The following FAHD1 variants were observed in gnomAD, a reference collection of about 807,000 sequenced individuals.
FAHD1 encodes the protein FAH domain containing oxaloacetate decarboxylase 1, also known as oxaloacetate tautomerase FAHD1, mitochondrial.
Under a neutral mutation model 12.7 loss-of-function variants are expected in FAHD1, and 14 were observed. That is an observed-to-expected ratio of 1.10 (90% CI 0.73 to 1.72). The LOEUF (loss-of-function observed/expected upper bound fraction) is 1.72, where lower values mean the gene tolerates loss of function less well. Ranked by LOEUF, FAHD1 falls within the 40% of genes most tolerant of loss-of-function variation. FAHD1 has a pLI of 0.00. For missense variants in FAHD1, 351 were observed against 298.9 expected (o/e 1.17, Z -1.29); for synonymous variants, 153 against 124.9 (o/e 1.22, Z -1.50).
chr16:1,834,648 C>T (rs193273806), intron 1 of FAHD1, among the ~76,000 whole-genome samples: 11 of 152,138 alleles, frequency 7.2e-5, no homozygotes, highest in African/African-American at 2.4e-4. Flanking sequence ...CTAATGTGGC[C>T]GGGTGCTGGT....
At chr16:1,828,679 T>C (rs1274003583) in exon 1 of FAHD1, 1 of 933,190 alleles carries the variant, frequency 1.1e-6, no homozygotes, top group Non-Finnish European at 1.3e-6. Flanking sequence ...ATCAATTTGA[T>C]AGGATTAATC....
At chr16:1,827,218 C>G (rs765572027) in exon 1 of FAHD1, 6 of 1,593,178 alleles carry the variant, frequency 3.8e-6, no homozygotes, top group Admixed American at 1.7e-5. Context: ...CACGTGACTA[C>G]AGGGGCACTT....
chr16:1,829,105 C>G (rs961530651), downstream of FAHD1, among the ~76,000 whole-genome samples: 1 of 152,166 alleles, frequency 6.6e-6, no homozygotes, highest in African/African-American at 2.4e-5. Context: ...GGGACTGCTG[C>G]TTTTGCTCTT....
chr16:1,839,313 C>T lies in FAHD1; in HGVS notation c.*60C>T, dbSNP rs779119124. The stretch of plus-strand genomic sequence containing the variant: ...TGTGAGACTACAGGAATGAAGGGTG[C>T]CTGTGTGATCAGTCAGATCAATCAG... On this transcript the variant is annotated 3_prime_UTR_variant, in exon 3 of 3. Coordinates refer to the FAHD1 transcript ENST00000382666. The T allele has an allele frequency of 3.7e-6, 6 of 1,613,992 alleles. No homozygotes were observed. In the African/African-American group the frequency reaches 6.7e-5, roughly 18 times the overall value.
downstream of FAHD1, chr16:1,828,961 T>TA: frequency 1.0e-6 from 1 of 986,620 alleles, no homozygotes; most frequent in Non-Finnish European, 1.2e-6. Context: ...AGGAGGGATA[T>TA]TTCCTCCTTG....
chr16:1,827,731 T>C (rs1304117582), exon 1 of FAHD1: 6 of 1,614,144 alleles, frequency 3.7e-6, no homozygotes, highest in Non-Finnish European at 5.1e-6. Flanking sequence ...CATGATTTTT[T>C]CCATCCCCTA....
chr16:1,838,089 CG>C lies in FAHD1; in HGVS notation c.705del (p.Ser236GlnfsTer80), dbSNP rs763969224. 4.1e-5 allele frequency: 32 copies of C among 775,340 alleles called. No individual in the cohort carries two copies. In the South Asian group the frequency reaches 5.9e-4, roughly 14 times the overall value. 48.0% of individuals were successfully genotyped at this position (775,340 alleles called of 1,614,324 possible). A position where few individuals can be genotyped will look rare whatever the true frequency, so the allele number is the denominator to read the frequency against. On this transcript the variant is annotated frameshift_variant, in exon 2 of 3. Coordinates refer to the FAHD1 transcript ENST00000382666. LOFTEE classifies it high-confidence loss of function. ...ACAGCTCACTGCAGCCTCGAACTCCCGGGGTCAAGCAATCCTCCCTCAGCTT... is the reference window on the plus strand; with the variant it reads ...ACAGCTCACTGCAGCCTCGAACTCCCGGGTCAAGCAATCCTCCCTCAGCTT...
intron 1 of FAHD1, among the ~76,000 whole-genome samples, chr16:1,835,416 T>A (rs1447206179): frequency 6.6e-6 from 1 of 152,212 alleles, no homozygotes; most frequent in Admixed American, 6.5e-5. Flanking sequence ...AATAGTCTTA[T>A]TTTTTATAAT....
At chr16:1,837,695 A>C (rs1898786637) in intron 1 of FAHD1, 1 of 679,462 alleles carries the variant, frequency 1.5e-6, no homozygotes, top group Non-Finnish European at 2.4e-6. Flanking sequence ...GAAATAATAA[A>C]TTCTCGAATT....
chr16:1,832,098 T>C (rs1379246735), downstream of FAHD1, among the ~76,000 whole-genome samples: 1 of 151,894 alleles, frequency 6.6e-6, no homozygotes, highest in Non-Finnish European at 1.5e-5. Flanking sequence ...AAAACTACCA[T>C]GTTGCACTTG....
exon 3 of FAHD1, chr16:1,839,577 A>G (rs1338602234): frequency 4.2e-6 from 3 of 709,080 alleles, no homozygotes; most frequent in African/African-American, 3.7e-5. Flanking sequence ...TGCGGTCTAC[A>G]AGACAGTCGT....
chr16:1,836,785 C>T (rs1299253916), intron 1 of FAHD1, among the ~76,000 whole-genome samples: 1 of 152,148 alleles, frequency 6.6e-6, no homozygotes, highest in Non-Finnish European at 1.5e-5. Context: ...CTCATCAGCA[C>T]GCAATGTTTT....
chr16:1,831,659 A>G (rs34873309), downstream of FAHD1, among the ~76,000 whole-genome samples: 27,030 of 152,054 alleles, frequency 0.18, 2,569 homozygotes, highest in South Asian at 0.27. Context: ...GGGTCCCCCA[A>G]CCTCCAGGCC....
At chr16:1,834,317 G>C in intron 1 of FAHD1, 1 of 1,613,086 alleles carries the variant, frequency 6.2e-7, no homozygotes, top group Non-Finnish European at 8.5e-7. Flanking sequence ...AAGCTTGCAC[G>C]AGAGTACACT....
chr16:1,828,627 TA>T, exon 1 of FAHD1: 1 of 992,116 alleles, frequency 1.0e-6, no homozygotes, highest in Non-Finnish European at 1.2e-6. Flanking sequence ...TTTGTAAAAA[TA>T]AAAATCTCCA....
chr16:1,834,263 T>C (rs1365213498), intron 1 of FAHD1: 3 of 1,586,972 alleles, frequency 1.9e-6, no homozygotes, highest in Non-Finnish European at 2.6e-6. Flanking sequence ...GTTTTAAACA[T>C]GTTTTTGTCC....
At chr16:1,838,972 G>A (rs984868612) in intron 2 of FAHD1, among the ~76,000 whole-genome samples, 9 of 152,156 alleles carry the variant, frequency 5.9e-5, no homozygotes, top group Admixed American at 1.3e-4. Flanking sequence ...GATTACAGGC[G>A]TGAGCCACGG....
chr16:1,827,765 T>C (rs1898524743), exon 1 of FAHD1: 1 of 1,613,958 alleles, frequency 6.2e-7, no homozygotes, highest in African/African-American at 1.3e-5. Flanking sequence ...GTTTCTAAGA[T>C]CATAACCTTG....
At chr16:1,834,272 C>A in intron 1 of FAHD1, 1 of 1,601,662 alleles carries the variant, frequency 6.2e-7, no homozygotes, top group South Asian at 1.1e-5. Context: ...ATGTTTTTGT[C>A]CAGACAAGTT....
Sources: gnomAD v4.1 joint callset for allele counts (sites outside exome capture counted in the v4.1 genomes callset) on GRCh38, gnomAD v4.1.1 for gene constraint, MANE v1.5 for transcripts, NCBI Gene and HGNC (gene_info 2026-07-23, HGNC 2026-07-21) for gene names.